Variants in OCA2 observed in about 807,000 individuals in gnomAD.
OCA2 encodes P protein.
OCA2 carries 77 observed loss-of-function variants against 100.2 expected under a neutral mutation model. The ratio of observed to expected loss-of-function variants is 0.77; its 90% CI spans 0.64 to 0.93. OCA2 has a LOEUF of 0.93. Ranked by LOEUF, OCA2 falls within the 40% of genes least tolerant of loss-of-function variation. The probability of loss-of-function intolerance (pLI) is 0.00; values close to 1 mark genes in which losing one functional copy is unlikely to be tolerated. For synonymous variants in OCA2, 432 were observed against 439.2 expected (o/e 0.98, Z 0.21); for missense variants, 1,062 against 1,089.1 (o/e 0.98, Z 0.35).
chr15:27,725,771 G>GGA, the OCA2 span, among the ~76,000 whole-genome samples: 1 of 152,090 alleles, frequency 6.6e-6, no homozygotes, highest in African/African-American at 2.4e-5. Flanking sequence ...TTTGGGGCCA[G>GGA]GAGAGGGTAG....
chr15:28,014,088 G>C (rs1043016583), intron 9 of OCA2, among the ~76,000 whole-genome samples: 2 of 152,086 alleles, frequency 1.3e-5, no homozygotes, highest in African/African-American at 4.8e-5. Flanking sequence ...AAGCTCACTA[G>C]GACGCGCCTC....
rs143371256 is a variant in OCA2 at position 28,031,937 on chromosome 15, T to C, written c.326+128A>G. 8.5e-4 allele frequency: 650 copies of C among 768,736 alleles called. 1 individual carries two copies. The highest frequency in any genetic ancestry group is 1.4e-3 in the Non-Finnish European group (598 of 422,886). 47.6% of individuals were successfully genotyped at this position (768,736 alleles called of 1,614,324 possible). ...CCGGAATCATGAACATCTACTACAA[T>C]AAATTGTCAAGGATCTGGCAGAGGT... On this transcript the variant is annotated intron_variant, in intron 3 of 23. Transcript: ENST00000354638.
At chr15:27,793,989 G>A (rs1309972389) in intron 23 of OCA2, among the ~76,000 whole-genome samples, 4 of 152,194 alleles carry the variant, frequency 2.6e-5, no homozygotes, top group African/African-American at 9.6e-5. Flanking sequence ...GTGTGTCACT[G>A]GGGGCTGGGG....
intron 1 of OCA2, among the ~76,000 whole-genome samples, chr15:28,093,421 A>G (rs1049778261): frequency 5.9e-5 from 9 of 152,104 alleles, no homozygotes; most frequent in Admixed American, 3.3e-4. Flanking sequence ...CAAAAAAAAA[A>G]AAAGAAAGAA....
At chr15:27,842,387 C>T (rs1339176504) in intron 23 of OCA2, among the ~76,000 whole-genome samples, 1 of 152,196 alleles carries the variant, frequency 6.6e-6, no homozygotes, top group Non-Finnish European at 1.5e-5. Flanking sequence ...TACTTATCTA[C>T]ATCATGAGAG....
intron 6 of OCA2, among the ~76,000 whole-genome samples, chr15:28,019,197 A>G (rs1318095681): frequency 6.6e-6 from 1 of 151,906 alleles, no homozygotes; most frequent in Admixed American, 6.6e-5. Flanking sequence ...ACATGGGAAA[A>G]AGGAGAGAAT....
rs140405700 is a variant in OCA2, at chr15:27,755,582, T to C, written c.2433-110A>G. 1.9e-3 allele frequency: 1,497 copies of C among 786,138 alleles called. 22 individuals are homozygous for C. In the African/African-American group the frequency reaches 0.02, roughly 10 times the overall value. 48.7% of individuals were successfully genotyped at this position (786,138 alleles called of 1,614,324 possible). ...CCTTAGCACCTTTGCATTTTCACAATGGCCACTACCTTTTATTTCCATAAA... is the reference window on the plus strand; with the variant it reads ...CCTTAGCACCTTTGCATTTTCACAACGGCCACTACCTTTTATTTCCATAAA... On this transcript the variant is annotated intron_variant, in intron 23 of 23. Transcript: ENST00000354638.
intron 21 of OCA2, among the ~76,000 whole-genome samples, chr15:27,868,963 G>A (rs1218667317): frequency 3.9e-5 from 6 of 152,190 alleles, no homozygotes; most frequent in East Asian, 1.9e-4. Context: ...AGACCTCGAC[G>A]CCCACCCACT....
At chr15:28,056,339 C>G (rs1566847759) in intron 2 of OCA2, among the ~76,000 whole-genome samples, 2 of 152,232 alleles carry the variant, frequency 1.3e-5, no homozygotes, top group South Asian at 2.1e-4. Context: ...TGACAAAATT[C>G]TACCACTGGC....
intron 9 of OCA2, among the ~76,000 whole-genome samples, chr15:28,000,436 T>C (rs965330443): frequency 4.6e-5 from 7 of 152,148 alleles, no homozygotes; most frequent in Admixed American, 4.6e-4. Context: ...GTGGACCCTA[T>C]CCTACACCAT....
intron 18 of OCA2, among the ~76,000 whole-genome samples, chr15:27,937,932 A>G (rs73375854): frequency 6.6e-6 from 1 of 152,198 alleles, no homozygotes; most frequent in Non-Finnish European, 1.5e-5. Flanking sequence ...AAAGTTATCA[A>G]CCTAATCTTT....
chr15:28,026,703 G>A (rs112083015), intron 4 of OCA2, among the ~76,000 whole-genome samples: 1,735 of 152,216 alleles, frequency 0.011, 34 homozygotes, highest in African/African-American at 0.039. Flanking sequence ...ATAGGATAGC[G>A]GATCCCTACG....
intron 21 of OCA2, among the ~76,000 whole-genome samples, chr15:27,857,866 T>C (rs1276164671): frequency 6.6e-6 from 1 of 152,206 alleles, no homozygotes; most frequent in East Asian, 1.9e-4. Context: ...TGTATGCTAT[T>C]GAAACTAATT....
intron 23 of OCA2, among the ~76,000 whole-genome samples, chr15:27,819,944 G>A (rs1232665140): frequency 6.6e-6 from 1 of 152,138 alleles, no homozygotes; most frequent in Non-Finnish European, 1.5e-5. Context: ...ACATATCGCA[G>A]TGCTCTAAAA....
At chr15:28,013,059 C>T (rs1658747462) in intron 9 of OCA2, among the ~76,000 whole-genome samples, 1 of 152,124 alleles carries the variant, frequency 6.6e-6, no homozygotes, top group African/African-American at 2.4e-5. Flanking sequence ...CCTTTCTCCA[C>T]CACCTCAACT....
At chr15:27,878,199 A>G (rs2036868926) in intron 19 of OCA2, among the ~76,000 whole-genome samples, 2 of 151,954 alleles carry the variant, frequency 1.3e-5, no homozygotes, top group Non-Finnish European at 2.9e-5. Flanking sequence ...TAAAACTCCC[A>G]CCAGACAATA....
intron 23 of OCA2, among the ~76,000 whole-genome samples, chr15:27,756,963 T>C (rs1194351406): frequency 6.6e-6 from 1 of 152,206 alleles, no homozygotes; most frequent in Non-Finnish European, 1.5e-5. Context: ...TCACCAAACA[T>C]TTTCATTTCA....
At chr15:27,882,114 T>G (rs1052497734) in intron 19 of OCA2, among the ~76,000 whole-genome samples, 9 of 152,208 alleles carry the variant, frequency 5.9e-5, no homozygotes, top group African/African-American at 2.2e-4. Flanking sequence ...ATTTCATTAT[T>G]TACCCAGGAG....
chr15:28,081,778 C>A lies in OCA2; in HGVS notation c.97G>T (p.Ala33Ser), dbSNP rs748244078. 2.5e-6 allele frequency: 4 copies of A among 1,613,352 alleles called. No individual in the cohort carries two copies. The South Asian group carries it at 4.4e-5, about 18-fold the overall frequency. ...CCCCGAGGAAGCCTGCGCTTGCCGGCCACAAGTTCAGCGAGTCCGCTGGGC... is the reference window on the plus strand; with the variant it reads ...CCCCGAGGAAGCCTGCGCTTGCCGGACACAAGTTCAGCGAGTCCGCTGGGC... Reference protein sequence around the residue: ...SVPSGLAELVAGKRRLPRGAG... With the variant: ...SVPSGLAELVSGKRRLPRGAG... Residue 33 changes from alanine (A) to serine (S), a missense_variant, in exon 2 of 24, where the codon GCC (alanine) becomes TCC (serine). Physicochemically the swap from Ala to Ser is moderately conservative, Grantham distance 99. Transcript: ENST00000354638.
Sources: gnomAD v4.1 joint callset for allele counts (sites outside exome capture counted in the v4.1 genomes callset) on GRCh38, gnomAD v4.1.1 for gene constraint, MANE v1.5 for transcripts, NCBI Gene and HGNC (gene_info 2026-07-23, HGNC 2026-07-21) for gene names.